EYA1: variants seen among roughly 807,000 people sequenced by gnomAD.
The protein encoded by EYA1 is EYA transcriptional coactivator and phosphatase 1.
A neutral mutation model predicts 82.0 loss-of-function variants in EYA1; 16 were observed. The ratio of observed to expected loss-of-function variants is 0.20; its 90% CI spans 0.13 to 0.30. EYA1 has a LOEUF of 0.30. Among genes scored for constraint, EYA1 ranks in the 10% least tolerant of loss-of-function variants. EYA1 has a pLI of 1.00. For synonymous variants in EYA1, 261 were observed against 264.4 expected (o/e 0.99, Z 0.12); for missense variants, 633 against 730.7 (o/e 0.87, Z 1.54).
In EYA1 at chr8:71,441,872, C is replaced by T. The variant is rs114256067; in HGVS notation, c.34-85361G>A. ...GGGCCCTCATTATGGAATTAATTCG[C>T]TTATAAAAAAGAAAAAGAGACATGA... is the stretch of plus-strand genomic sequence containing the variant. On this transcript the variant is annotated intron_variant, in intron 2 of 18. Transcript: ENST00000643681. 5.9e-3 allele frequency among the ~76,000 whole-genome samples: 894 copies of T among 152,100 alleles called. 9 individuals are homozygous for T. Among genetic ancestry groups the T allele is most frequent in the African/African-American group, 0.02 (849 of 41,470 alleles).
At chr8:71,201,431 ACT>A (rs151033006) in intron 17 of EYA1, among the ~76,000 whole-genome samples, 18 of 148,994 alleles carry the variant, frequency 1.2e-4, no homozygotes, top group Non-Finnish European at 9.0e-5. Flanking sequence ...GTTCAAACTA[ACT>A]CTCTCTCTCT....
intron 3 of EYA1, among the ~76,000 whole-genome samples, chr8:71,352,047 G>T (rs556208700): frequency 6.4e-4 from 98 of 152,284 alleles, no homozygotes; most frequent in Non-Finnish European, 1.2e-3. Context: ...AGCTGAAAAT[G>T]TTCATTGTAG....
intron 9 of EYA1, among the ~76,000 whole-genome samples, chr8:71,282,931 C>T (rs994960612): frequency 2.1e-5 from 3 of 141,790 alleles, no homozygotes; most frequent in Admixed American, 8.1e-5. Context: ...CTCTTCAACA[C>T]CACCTTGTTT....
intron 2 of EYA1, among the ~76,000 whole-genome samples, chr8:71,454,626 C>T (rs1013360443): frequency 6.6e-6 from 1 of 152,156 alleles, no homozygotes; most frequent in Non-Finnish European, 1.5e-5. Context: ...CACTAAAAAC[C>T]GCTCAACTAC....
chr8:71,381,358 T>C (rs1828690055), intron 2 of EYA1, among the ~76,000 whole-genome samples: 2 of 152,232 alleles, frequency 1.3e-5, no homozygotes, highest in Non-Finnish European at 2.9e-5. Flanking sequence ...GGAAAGAAGC[T>C]TCTTCTGCCC....
chr8:71,411,930 G>A (rs999483380), intron 2 of EYA1, among the ~76,000 whole-genome samples: 9 of 150,948 alleles, frequency 6.0e-5, no homozygotes, highest in South Asian at 2.1e-4. Context: ...ACATGCACAC[G>A]TATGTTTATT....
rs201950125 is a variant in EYA1 at position 71,523,173 on chromosome 8, C to CTTTTTTTTTTTTTTTTTTTTTTTTTTT, written c.33+12570_33+12571insAAAAAAAAAAAAAAAAAAAAAAAAAAA. 6.3e-5 allele frequency among the ~76,000 whole-genome samples: 7 copies of CTTTTTTTTTTTTTTTTTTTTTTTTTTT among 110,826 alleles called. 2 individuals are homozygous for CTTTTTTTTTTTTTTTTTTTTTTTTTTT. Among genetic ancestry groups the CTTTTTTTTTTTTTTTTTTTTTTTTTTT allele is most frequent in the African/African-American group, 1.5e-4 (4 of 26,852 alleles). The allele number at this position is 110,826 out of a possible 152,430, so 72.7% of individuals were successfully genotyped here. Reference sequence around the variant, plus strand: ...TTCAGCTCTTTTTCTTTTCTTTTTTCTTTTTCTTTTTTTTTTTTTTTTTGA... The same window carrying CTTTTTTTTTTTTTTTTTTTTTTTTTTT: ...TTCAGCTCTTTTTCTTTTCTTTTTTCTTTTTTTTTTTTTTTTTTTTTTTTTTTTTTTTCTTTTTTTTTTTTTTTTTGA... On this transcript the variant is annotated intron_variant, in intron 2 of 18. Transcript: ENST00000643681.
chr8:71,254,642 G>A (rs554589391), intron 11 of EYA1, among the ~76,000 whole-genome samples: 88 of 152,268 alleles, frequency 5.8e-4, no homozygotes, highest in Non-Finnish European at 1.1e-3. Flanking sequence ...ATGTCTGAAA[G>A]TTTTTCCTCT....
At chr8:71,303,603 C>T (rs1429301273) in intron 7 of EYA1, among the ~76,000 whole-genome samples, 1 of 141,380 alleles carries the variant, frequency 7.1e-6, no homozygotes, top group Non-Finnish European at 1.6e-5. Flanking sequence ...CGCAGGGCCG[C>T]TCCACCTGCC....
At chr8:71,532,552 G>A (rs1261665836) in intron 2 of EYA1, among the ~76,000 whole-genome samples, 4 of 152,202 alleles carry the variant, frequency 2.6e-5, no homozygotes, top group African/African-American at 9.7e-5. Flanking sequence ...ACTAATAATA[G>A]CACATGTTGA....
At chr8:71,369,086 C>T (rs1827936752) in intron 2 of EYA1, among the ~76,000 whole-genome samples, 2 of 150,660 alleles carry the variant, frequency 1.3e-5, no homozygotes, top group African/African-American at 4.9e-5. Context: ...ACCTGTAATC[C>T]CAGCTACTCA....
At chr8:71,215,553 C>T (rs1362160537) in intron 15 of EYA1, 45 bp from the exon 16 acceptor site, 1 of 1,611,910 alleles carries the variant, frequency 6.2e-7, no homozygotes, top group Non-Finnish European at 8.5e-7. Flanking sequence ...AAATAAATCT[C>T]CAAAATGAAC....
chr8:71,361,105 G>T (rs1049668660), intron 1 of EYA1, among the ~76,000 whole-genome samples: 6 of 152,126 alleles, frequency 3.9e-5, no homozygotes, highest in African/African-American at 1.4e-4. Flanking sequence ...TTAATATAAC[G>T]TTTGGGAAAT....
At chr8:71,388,033 T>A (rs1829063349) in intron 2 of EYA1, among the ~76,000 whole-genome samples, 1 of 152,158 alleles carries the variant, frequency 6.6e-6, no homozygotes, top group Non-Finnish European at 1.5e-5. Flanking sequence ...CCTGCACACA[T>A]TGACTATAAT....
chr8:71,412,235 G>A (rs1452208790), intron 2 of EYA1, among the ~76,000 whole-genome samples: 2 of 111,272 alleles, frequency 1.8e-5, no homozygotes, highest in South Asian at 4.0e-4. Flanking sequence ...GTGGTGGGGT[G>A]GGGGGAGGGG....
intron 3 of EYA1, among the ~76,000 whole-genome samples, chr8:71,341,915 T>C (rs904109914): frequency 1.3e-5 from 2 of 152,232 alleles, no homozygotes; most frequent in Non-Finnish European, 2.9e-5. Context: ...AATAGCAGCA[T>C]GTGCAATTAC....
At chr8:71,392,954 T>A (rs1586616786) in intron 2 of EYA1, among the ~76,000 whole-genome samples, 2 of 152,342 alleles carry the variant, frequency 1.3e-5, no homozygotes, top group African/African-American at 4.8e-5. Context: ...ATGTGTTTTA[T>A]GTTTTCTTAA....
intron 17 of EYA1, among the ~76,000 whole-genome samples, chr8:71,204,677 G>A (rs1807515250): frequency 6.6e-6 from 1 of 152,224 alleles, no homozygotes; most frequent in South Asian, 2.1e-4. Flanking sequence ...ATGAAAAAAA[G>A]TGTATACTTC....
intron 12 of EYA1, among the ~76,000 whole-genome samples, chr8:71,219,549 G>C (rs748858871): frequency 2.6e-5 from 4 of 152,058 alleles, no homozygotes; most frequent in Non-Finnish European, 5.9e-5. Flanking sequence ...TACATACTGA[G>C]GGTTCATTAT....
Sources: gnomAD v4.1 joint callset for allele counts (sites outside exome capture counted in the v4.1 genomes callset) on GRCh38, gnomAD v4.1.1 for gene constraint, MANE v1.5 for transcripts, NCBI Gene and HGNC (gene_info 2026-07-23, HGNC 2026-07-21) for gene names.